Variants in DPP10 observed in about 807,000 individuals in gnomAD.
DPP10 encodes dipeptidyl peptidase like 10.
In DPP10, 33 loss-of-function variants were observed where a neutral mutation model predicts 120.9. The observed-to-expected ratio is 0.27, with a 90% CI of 0.21 to 0.37. The LOEUF is 0.37. Ranked by LOEUF, DPP10 falls within the 10% of genes least tolerant of loss-of-function variation. The probability of loss-of-function intolerance (pLI) is 1.00; values close to 1 mark genes in which losing one functional copy is unlikely to be tolerated. For missense variants in DPP10, 816 were observed against 942.8 expected, an observed-to-expected ratio of 0.87 and a Z score of 1.76; for synonymous variants, 337 against 326.1, an observed-to-expected ratio of 1.03 and a Z score of -0.36.
intron 1 of DPP10, among the ~76,000 whole-genome samples, chr2:114,691,515 C>T (rs1475806868): frequency 1.3e-5 from 2 of 151,924 alleles, no homozygotes; most frequent in African/African-American, 4.8e-5. Flanking sequence ...AGTATATTGG[C>T]CTGAAGTTTT....
chr2:114,705,864 G>T (rs976487927), intron 1 of DPP10, among the ~76,000 whole-genome samples: 1 of 152,100 alleles, frequency 6.6e-6, no homozygotes, highest in Non-Finnish European at 1.5e-5. Flanking sequence ...GATCATGGTG[G>T]CAATTCCTTA....
At chr2:114,822,446 T>C (rs1404922988) in intron 1 of DPP10, among the ~76,000 whole-genome samples, 1 of 152,124 alleles carries the variant, frequency 6.6e-6, no homozygotes, top group Admixed American at 6.5e-5. Flanking sequence ...TGGGAGGGGC[T>C]GCCACAAAGG....
intron 1 of DPP10, among the ~76,000 whole-genome samples, chr2:115,112,767 A>G (rs2049294870): frequency 6.6e-6 from 1 of 152,214 alleles, no homozygotes; most frequent in Non-Finnish European, 1.5e-5. Flanking sequence ...AAATATGTTC[A>G]AGAGATCTAC....
At chr2:115,492,095 A>G (rs2076155753) in intron 3 of DPP10, among the ~76,000 whole-genome samples, 1 of 152,124 alleles carries the variant, frequency 6.6e-6, no homozygotes, top group African/African-American at 2.4e-5. Context: ...AAGTACATAT[A>G]TATATATGAT....
chr2:114,509,440 G>T (rs1683953661), intron 1 of DPP10, among the ~76,000 whole-genome samples: 1 of 152,216 alleles, frequency 6.6e-6, no homozygotes, highest in African/African-American at 2.4e-5. Context: ...AGTTCAGTTA[G>T]TCGAGAAATT....
intron 1 of DPP10, among the ~76,000 whole-genome samples, chr2:114,496,172 A>G (rs1682501256): frequency 1.3e-5 from 2 of 152,124 alleles, no homozygotes; most frequent in South Asian, 4.1e-4. Context: ...GGAGTGGGGC[A>G]GGGAGAGAAG....
intron 5 of DPP10, among the ~76,000 whole-genome samples, chr2:115,548,885 C>T (rs2079687579): frequency 6.6e-6 from 1 of 152,162 alleles, no homozygotes; most frequent in South Asian, 2.1e-4. Context: ...TAATTATCCT[C>T]TTCTCTCACC....
At chr2:115,720,702 C>T (rs1324641966) in intron 7 of DPP10, among the ~76,000 whole-genome samples, 6 of 151,862 alleles carry the variant, frequency 4.0e-5, no homozygotes, top group Non-Finnish European at 8.8e-5. Flanking sequence ...GAAGAATTTC[C>T]ATGTGTCTCA....
chr2:115,013,206 T>C (rs1259693087), intron 1 of DPP10, among the ~76,000 whole-genome samples: 1 of 152,118 alleles, frequency 6.6e-6, no homozygotes, highest in African/African-American at 2.4e-5. Flanking sequence ...ACAAAATCTC[T>C]CACCGTTTGT....
intron 5 of DPP10, among the ~76,000 whole-genome samples, chr2:115,622,656 T>C (rs1302954281): frequency 6.6e-6 from 1 of 151,890 alleles, no homozygotes; most frequent in East Asian, 1.9e-4. Context: ...TGCTGTACCA[T>C]TTCACATTCC....
rs1002840 is a variant in DPP10, at chr2:114,572,473, T to A, written c.60+129635T>A. ...TTCCTCAAAATCTCAGAGTTGGTAG[T>A]GGCATGAAGATAAATAAATGCCTAT... On this transcript the variant is annotated intron_variant, in intron 1 of 25. Transcript: ENST00000410059. 6.6e-4 allele frequency among the ~76,000 whole-genome samples: 101 copies of A among 152,334 alleles called. 2 individuals carry two copies. In the East Asian group the frequency reaches 0.015, roughly 23 times the overall value.
At chr2:114,467,784 G>C (rs1412283947) in intron 1 of DPP10, among the ~76,000 whole-genome samples, 2 of 152,058 alleles carry the variant, frequency 1.3e-5, no homozygotes, top group African/African-American at 2.4e-5. Flanking sequence ...TGGATAGCTT[G>C]AGCCCAGAAT....
intron 1 of DPP10, among the ~76,000 whole-genome samples, chr2:115,275,996 C>T (rs898312746): frequency 1.1e-4 from 17 of 152,102 alleles, no homozygotes; most frequent in Non-Finnish European, 8.8e-5. Flanking sequence ...CCACCGCGCC[C>T]GGCCTATTCT....
chr2:115,729,358 TGAA>T (rs1559082394), intron 8 of DPP10, among the ~76,000 whole-genome samples: 1 of 152,180 alleles, frequency 6.6e-6, no homozygotes, highest in Non-Finnish European at 1.5e-5. Flanking sequence ...CCCTGACAGA[TGAA>T]GAAACCATGT....
chr2:114,690,945 T>C (rs143998061), intron 1 of DPP10, among the ~76,000 whole-genome samples: 5,017 of 152,230 alleles, frequency 0.033, 127 homozygotes, highest in Middle Eastern at 0.068. Flanking sequence ...TGAAGTTGCT[T>C]ATCAGTTTAA....
intron 3 of DPP10, among the ~76,000 whole-genome samples, chr2:115,493,872 C>G (rs72826408): frequency 6.6e-6 from 1 of 151,658 alleles, no homozygotes; most frequent in African/African-American, 2.4e-5. Context: ...ACCCCTCAGG[C>G]AAAAGGTTTA....
chr2:115,496,807 A>G (rs1201885974), intron 3 of DPP10, among the ~76,000 whole-genome samples: 1 of 152,152 alleles, frequency 6.6e-6, no homozygotes, highest in Non-Finnish European at 1.5e-5. Flanking sequence ...ACATGAGATT[A>G]GCCATGTGGG....
chr2:115,351,507 C>A (rs1016325498), intron 3 of DPP10, among the ~76,000 whole-genome samples: 12 of 151,796 alleles, frequency 7.9e-5, no homozygotes, highest in African/African-American at 2.9e-4. Flanking sequence ...CACACATATA[C>A]CCCCAAATCT....
At chr2:115,603,214 C>T (rs1296012185) in intron 5 of DPP10, among the ~76,000 whole-genome samples, 1 of 150,544 alleles carries the variant, frequency 6.6e-6, no homozygotes, top group Admixed American at 6.6e-5. Context: ...AAAAAAAGGT[C>T]TATGTTTGAG....
Sources: allele counts gnomAD v4.1 joint callset (sites outside exome capture counted in the v4.1 genomes callset), GRCh38; gene constraint gnomAD v4.1.1; transcripts MANE v1.5; gene names NCBI Gene and HGNC (gene_info 2026-07-23, HGNC 2026-07-21).